The following KCNN3 variants were observed in gnomAD, a reference collection of about 807,000 sequenced individuals.
The protein encoded by KCNN3 is potassium calcium-activated channel subfamily N member 3, also known as small conductance calcium-activated potassium channel protein 3.
In KCNN3, 16 loss-of-function variants were observed where a neutral mutation model predicts 62.9. That is an observed-to-expected ratio of 0.25 (90% CI 0.17 to 0.39). The LOEUF (loss-of-function observed/expected upper bound fraction) is 0.39. Ranked by LOEUF, KCNN3 falls within the 10% of genes least tolerant of loss-of-function variation. The pLI, the probability that KCNN3 is intolerant of heterozygous loss-of-function variation, is 1.00. For missense variants in KCNN3, 599 were observed against 949.4 expected (o/e 0.63, Z 4.85); for synonymous variants, 370 against 389.2 (o/e 0.95, Z 0.58).
At position 154,707,929 on chromosome 1, in the gene KCNN3, T is replaced by G. The variant is rs753349628; in HGVS notation, c.*47A>C. 6.3e-7 allele frequency: 1 copy of G among 1,578,386 alleles called. No individual in the cohort carries two copies. The highest frequency in any genetic ancestry group is 1.2e-5 in the South Asian group (1 of 86,872). On this transcript the variant is annotated 3_prime_UTR_variant, in exon 8 of 8. Coordinates refer to ENST00000271915, the MANE Select transcript of KCNN3 (RefSeq NM_002249.6). Reference sequence around the variant, plus strand: ...CAAAGCGACCAGGAGAGAGTTGATTTGCATCTTAAGACCTATGGGTAATGC... The same window carrying G: ...CAAAGCGACCAGGAGAGAGTTGATTGGCATCTTAAGACCTATGGGTAATGC...
chr1:154,787,325 G>GGGACCAGGGCCA (rs891528965), intron 2 of KCNN3, among the ~76,000 whole-genome samples: 1 of 152,088 alleles, frequency 6.6e-6, no homozygotes, highest in Admixed American at 6.5e-5. Context: ...TTGGGAGGGA[G>GGGACCAGGGCCA]GGACCAGGGC....
At chr1:154,769,179 C>A (rs1648436113) in intron 3 of KCNN3, among the ~76,000 whole-genome samples, 1 of 152,166 alleles carries the variant, frequency 6.6e-6, no homozygotes, top group Non-Finnish European at 1.5e-5. Context: ...CCGGGCTCTC[C>A]TTCCCTCAGG....
At position 154,869,138 on chromosome 1, in the gene KCNN3, A is replaced by G. The variant is rs748575212; in HGVS notation, c.827T>C (p.Leu276Pro). The G allele has an allele frequency of 6.2e-7, 1 of 1,614,158 alleles. No individual in the cohort carries two copies. The highest frequency in any genetic ancestry group is 1.1e-5 in the South Asian group (1 of 91,078). Residue 276 changes from leucine to proline, a missense_variant, in exon 1 of 8, where the codon CTG (leucine) becomes CCG (proline). By Grantham distance (98) the Leu-to-Pro change is moderately conservative. Transcript: ENST00000271915. The surrounding 1 kb of genome is among the most constrained non-coding windows in gnomAD (Gnocchi z 6.1). ...ACTCAGTCGCTTTCTCTTTTCAAAC[A>G]GGGCCCTCCTGTGTCCCAGCTTATA... The part of the protein sequence containing the change: ...IGYKLGHRRA[L>P]FEKRKRLSDY...
Position 154,702,728 on chromosome 1 carries a change from T to G in KCNN3, c.*5248A>C, listed in dbSNP as rs1699880682. 3.9e-5 allele frequency: 5 copies of G among 128,832 alleles called. No homozygotes were observed. The highest frequency in any genetic ancestry group is 3.8e-4 in the Admixed American group (5 of 13,192). The allele number at this position is 128,832 out of a possible 1,614,324, so 8.0% of individuals were successfully genotyped here. A position where few individuals can be genotyped will look rare whatever the true frequency, so the allele number is the denominator to read the frequency against. On this transcript the variant is annotated 3_prime_UTR_variant, in exon 8 of 8. Coordinates refer to ENST00000271915, the MANE Select transcript of KCNN3 (RefSeq NM_002249.6). ...ATATATATATATATATATATATATA[T>G]ATATATATATATATATATATGTACT...
intron 5 of KCNN3, 106 bp downstream of exon 5, chr1:154,725,810 T>A: frequency 1.2e-6 from 1 of 804,106 alleles, no homozygotes; most frequent in East Asian, 2.6e-5. Flanking sequence ...CCTAAAGTGT[T>A]GGGATTACAG....
At chr1:154,827,247 G>C (rs959979197) in intron 1 of KCNN3, among the ~76,000 whole-genome samples, 5 of 152,156 alleles carry the variant, frequency 3.3e-5, no homozygotes, top group African/African-American at 1.2e-4. Flanking sequence ...GTTCTGTAAT[G>C]GTTGTCCTAA....
intron 3 of KCNN3, among the ~76,000 whole-genome samples, chr1:154,733,399 G>A (rs780595967): frequency 6.6e-6 from 1 of 152,130 alleles, no homozygotes; most frequent in Non-Finnish European, 1.5e-5. Flanking sequence ...GTCATGATTT[G>A]CACCTCATTG....
Position 154,869,275 on chromosome 1 carries a change from G to A in KCNN3, c.690C>T (p.His230=). 6.2e-7 allele frequency: 1 copy of A among 1,614,070 alleles called. No individual in the cohort carries two copies. The change falls in exon 1 of 8, where the codon CAC becomes CAT. Residue 230 remains histidine (H), a synonymous_variant. Transcript: ENST00000271915. This position sits in a 1 kb window ranked among gnomAD's most constrained non-coding sequence, Gnocchi z 6.1. ...VISSREDNHA[H]QTLLHHPNAT... ...CATTAGGGTGATGGAGCAGGGTCTG[G>A]TGGGCATGGTTGTCCTCCCGGGAGG...
At chr1:154,857,170 C>A in intron 1 of KCNN3, among the ~76,000 whole-genome samples, 1 of 152,234 alleles carries the variant, frequency 6.6e-6, no homozygotes, top group East Asian at 1.9e-4. Context: ...TCATGACACC[C>A]ATTCTCATGA....
At chr1:154,728,791 T>C (rs748403251) in intron 4 of KCNN3, among the ~76,000 whole-genome samples, 17 of 151,108 alleles carry the variant, frequency 1.1e-4, no homozygotes, top group Non-Finnish European at 2.4e-4. Context: ...AGGAGGAGGC[T>C]GAAGAATAAG....
At chr1:154,811,369 T>C (rs148890224) in intron 2 of KCNN3, among the ~76,000 whole-genome samples, 105 of 152,298 alleles carry the variant, frequency 6.9e-4, no homozygotes, top group African/African-American at 2.5e-3. Context: ...TACAAATATA[T>C]ATATAAGAAT....
At chr1:154,795,360 A>G (rs1204588247) in intron 2 of KCNN3, among the ~76,000 whole-genome samples, 1 of 152,224 alleles carries the variant, frequency 6.6e-6, no homozygotes, top group Admixed American at 6.5e-5. Flanking sequence ...ATAAGAGCAC[A>G]CACAGGGGCC....
intron 7 of KCNN3, 30 bp from the exon 8 acceptor site, chr1:154,708,302 G>A: frequency 1.2e-6 from 2 of 1,607,424 alleles, no homozygotes; most frequent in Non-Finnish European, 8.5e-7. Context: ...CGAGAGACAG[G>A]GAGATGACAG....
At chr1:154,789,061 TCA>T (rs1424829057) in intron 2 of KCNN3, among the ~76,000 whole-genome samples, 3 of 152,306 alleles carry the variant, frequency 2.0e-5, no homozygotes, top group East Asian at 3.9e-4. Context: ...ATGTGTGGAA[TCA>T]GTTTCACTAG....
rs1650317165 is a variant in KCNN3, at chr1:154,809,614, G to T, written c.1029+12475C>A. Among the ~76,000 whole-genome samples the T allele has an allele frequency of 6.6e-6, 1 of 152,184 alleles. No individual in the cohort carries two copies. Among genetic ancestry groups the T allele is most frequent in the African/African-American group, 2.4e-5 (1 of 41,432 alleles). On this transcript the variant is annotated intron_variant, in intron 2 of 7. Transcript: ENST00000271915. The surrounding 1 kb of genome is among the most constrained non-coding windows in gnomAD (Gnocchi z 4.3). ...TACTCAGGCTCATCACATGTGGGAG[G>T]GCAGGAAGCTGGGAGGCCCCCAAAT...
At position 154,827,807 on chromosome 1, in the gene KCNN3, T is replaced by C. The variant is rs1395888217; in HGVS notation, c.934-5623A>G. ...GAGCAAGACTCTGTCTCAATAATAA[T>C]AATAATAATAACAACAACAATAATA... On this transcript the variant is annotated intron_variant, in intron 1 of 7. Transcript: ENST00000271915. Among the ~76,000 whole-genome samples, 5 of 151,816 alleles carry C rather than the reference T, an allele frequency of 3.3e-5. No homozygotes were observed. In the East Asian group the frequency reaches 9.7e-4, roughly 29 times the overall value.
chr1:154,736,147 G>A (rs997881065), intron 3 of KCNN3, among the ~76,000 whole-genome samples: 1 of 152,130 alleles, frequency 6.6e-6, no homozygotes, highest in African/African-American at 2.4e-5. Context: ...CATGGCTGTG[G>A]GCAAGTGACG....
intron 3 of KCNN3, among the ~76,000 whole-genome samples, chr1:154,763,640 G>A (rs962272528): frequency 4.6e-5 from 7 of 152,138 alleles, no homozygotes; most frequent in Admixed American, 6.5e-5. Flanking sequence ...AGCCTTTAAC[G>A]GTAGTTTTGA....
intron 7 of KCNN3, among the ~76,000 whole-genome samples, chr1:154,710,443 C>A (rs1484273836): frequency 6.6e-6 from 1 of 151,960 alleles, no homozygotes; most frequent in Non-Finnish European, 1.5e-5. Flanking sequence ...CAGATCTCCC[C>A]ACGGGGGTTC....
Sources: gnomAD v4.1 joint callset for allele counts (sites outside exome capture counted in the v4.1 genomes callset) on GRCh38, gnomAD v4.1.1 for gene constraint, Gnocchi (gnomAD v3.1) non-coding constraint, MANE v1.5 for transcripts, NCBI Gene and HGNC (gene_info 2026-07-23, HGNC 2026-07-21) for gene names.